CYP2C19: variants seen among roughly 807,000 people sequenced by gnomAD.
CYP2C19 encodes the protein cytochrome P450 family 2 subfamily C member 19.
CYP2C19 carries 59 observed loss-of-function variants against 40.9 expected under a neutral mutation model. The ratio of observed to expected loss-of-function variants is 1.44; its 90% CI spans 1.17 to 1.79. CYP2C19 has a LOEUF of 1.79. CYP2C19 is among the 40% of genes most tolerant of loss of function. The pLI is 0.00. For synonymous variants in CYP2C19, 253 were observed against 208.7 expected, an observed-to-expected ratio of 1.21 and a Z score of -1.83; for missense variants, 754 against 596.9, an observed-to-expected ratio of 1.26 and a Z score of -2.74.
intron 5 of CYP2C19, among the ~76,000 whole-genome samples, chr10:94,802,927 C>T (rs113476175): frequency 2.0e-4 from 30 of 152,226 alleles, no homozygotes; most frequent in African/African-American, 5.5e-4. Context: ...ACTCTCTTCT[C>T]GCTTGTCATG....
chr10:94,805,114 A>C (rs1848815831), intron 5 of CYP2C19, among the ~76,000 whole-genome samples: 1 of 152,032 alleles, frequency 6.6e-6, no homozygotes, highest in Non-Finnish European at 1.5e-5. Context: ...AAAAGTGGAC[A>C]TCCTTGTTTT....
At chr10:94,797,425 T>C (rs1848705106) in intron 5 of CYP2C19, among the ~76,000 whole-genome samples, 1 of 152,070 alleles carries the variant, frequency 6.6e-6, no homozygotes, top group Non-Finnish European at 1.5e-5. Context: ...TGCATCGATG[T>C]TCTTCAGGCA....
rs1235580195 is a variant in CYP2C19 at position 94,785,930 on chromosome 10, C to A, written c.819+3933C>A. On this transcript the variant is annotated intron_variant, in intron 5 of 8. Coordinates refer to ENST00000371321, the MANE Select transcript of CYP2C19 (RefSeq NM_000769.4). The stretch of plus-strand genomic sequence containing the variant: ...ATAACATTAGAGTGGGTTGGCCAGC[C>A]TTCCCTGCCCACTATGTAAATGCCA... 2.6e-5 allele frequency among the ~76,000 whole-genome samples: 4 copies of A among 152,122 alleles called. No individual in the cohort carries two copies. The East Asian group carries it at 7.7e-4, about 29-fold the overall frequency.
chr10:94,824,412 AGAAGC>A (rs1849178729), intron 6 of CYP2C19, among the ~76,000 whole-genome samples: 1 of 152,202 alleles, frequency 6.6e-6, no homozygotes, highest in East Asian at 1.9e-4. Flanking sequence ...TATTTTCAGA[AGAAGC>A]TGCTAGAATG....
chr10:94,828,896 A>G (rs1253766665), intron 6 of CYP2C19, among the ~76,000 whole-genome samples: 2 of 151,940 alleles, frequency 1.3e-5, no homozygotes, highest in East Asian at 3.9e-4. Flanking sequence ...TTGTCTGTAA[A>G]GGATTTTATT....
chr10:94,835,682 G>A (rs1358647311), intron 6 of CYP2C19, among the ~76,000 whole-genome samples: 1 of 152,062 alleles, frequency 6.6e-6, no homozygotes, highest in Non-Finnish European at 1.5e-5. Context: ...CCTGAGGTTT[G>A]ATAGATGTTC....
At chr10:94,791,022 T>A (rs1208312999) in intron 5 of CYP2C19, among the ~76,000 whole-genome samples, 1 of 152,164 alleles carries the variant, frequency 6.6e-6, no homozygotes, top group Admixed American at 6.5e-5. Context: ...TGGTATGCTA[T>A]TAATTATTGC....
chr10:94,842,804 CT>C (rs747273308), intron 6 of CYP2C19, 32 bp from the exon 7 acceptor site: 2 of 1,610,046 alleles, frequency 1.2e-6, no homozygotes, highest in African/African-American at 2.7e-5. Flanking sequence ...CATTTCTCTC[CT>C]TTTCCATCAG....
intron 5 of CYP2C19, among the ~76,000 whole-genome samples, chr10:94,815,552 C>T (rs1366240557): frequency 3.3e-5 from 5 of 152,356 alleles, no homozygotes; most frequent in South Asian, 2.1e-4. Context: ...TTTGAGAACT[C>T]CAGTCTCTGA....
chr10:94,850,791 T>G (rs1849640958), intron 8 of CYP2C19, among the ~76,000 whole-genome samples: 1 of 152,152 alleles, frequency 6.6e-6, no homozygotes, highest in South Asian at 2.1e-4. Context: ...ATTAAAACCT[T>G]TGCCAAATAA....
intron 5 of CYP2C19, among the ~76,000 whole-genome samples, chr10:94,792,770 T>G (rs1420583038): frequency 6.6e-6 from 1 of 152,168 alleles, no homozygotes; most frequent in East Asian, 1.9e-4. Context: ...AACCTTTCTC[T>G]CTGGCTGCCC....
At chr10:94,839,842 TGTATG>T (rs1179159177) in intron 6 of CYP2C19, among the ~76,000 whole-genome samples, 1 of 152,238 alleles carries the variant, frequency 6.6e-6, no homozygotes, top group African/African-American at 2.4e-5. Context: ...GTCGGACTGT[TGTATG>T]GTAATTAAGA....
In CYP2C19 at chr10:94,830,233, G is replaced by T. The variant is rs552566963; in HGVS notation, c.961+9596G>T. On this transcript the variant is annotated intron_variant, in intron 6 of 8. Coordinates refer to ENST00000371321, the MANE Select transcript of CYP2C19 (RefSeq NM_000769.4). The stretch of plus-strand genomic sequence containing the variant: ...GTTTACGTAATCAAGCATGGGCAAT[G>T]GCGGGCGCCCCTCCCCCAGCCTTGC... Among the ~76,000 whole-genome samples, 22 of 152,368 alleles carry T rather than the reference G, an allele frequency of 1.4e-4. 1 individual carries two copies. The South Asian group carries it at 4.6e-3, about 32-fold the overall frequency.
chr10:94,786,010 G>T (rs1848535318), intron 5 of CYP2C19, among the ~76,000 whole-genome samples: 1 of 151,908 alleles, frequency 6.6e-6, no homozygotes, highest in Non-Finnish European at 1.5e-5. Flanking sequence ...GCCTTTTCCG[G>T]CCTGCCTATA....
chr10:94,794,734 G>T (rs1447066331), intron 5 of CYP2C19, among the ~76,000 whole-genome samples: 1 of 152,004 alleles, frequency 6.6e-6, no homozygotes, highest in Non-Finnish European at 1.5e-5. Context: ...GAATGCTTGT[G>T]ATTTTTGCAC....
intron 8 of CYP2C19, among the ~76,000 whole-genome samples, chr10:94,852,162 C>T (rs964266310): frequency 2.0e-5 from 3 of 152,010 alleles, no homozygotes; most frequent in African/African-American, 7.2e-5. Context: ...AGACTGGAAA[C>T]AGAATGTGAG....
In CYP2C19 at chr10:94,785,016, G is replaced by A. The variant is rs151107655; in HGVS notation, c.819+3019G>A. On this transcript the variant is annotated intron_variant, in intron 5 of 8. Coordinates refer to ENST00000371321, the MANE Select transcript of CYP2C19 (RefSeq NM_000769.4). ...GTCCATTTCCTATTTAAATTAAGTT[G>A]CCTTTATTTTTCTTTTTAAGCTATT... is the stretch of plus-strand genomic sequence containing the variant. Among the ~76,000 whole-genome samples the A allele has an allele frequency of 5.3e-5, 8 of 152,086 alleles. No homozygotes were observed. The East Asian group carries it at 1.5e-3, about 29-fold the overall frequency.
At chr10:94,772,579 G>A (rs1450382535) in intron 1 of CYP2C19, among the ~76,000 whole-genome samples, 1 of 152,132 alleles carries the variant, frequency 6.6e-6, no homozygotes, top group African/African-American at 2.4e-5. Context: ...ATGGCCACAG[G>A]GTCAACCAAC....
At chr10:94,823,281 C>G (rs1043459541) in intron 6 of CYP2C19, among the ~76,000 whole-genome samples, 12 of 152,040 alleles carry the variant, frequency 7.9e-5, no homozygotes, top group African/African-American at 2.2e-4. Flanking sequence ...CTAATTTTCT[C>G]CCACAAGAAA....
Sources: gnomAD v4.1 joint callset for allele counts (sites outside exome capture counted in the v4.1 genomes callset) on GRCh38, gnomAD v4.1.1 for gene constraint, MANE v1.5 for transcripts, NCBI Gene and HGNC (gene_info 2026-07-23, HGNC 2026-07-21) for gene names.